Variants in STAU2 observed in about 807,000 individuals in gnomAD.
The protein encoded by STAU2 is double-stranded RNA-binding protein Staufen homolog 2.
In STAU2, 20 loss-of-function variants were observed where a neutral mutation model predicts 65.9. The ratio of observed to expected loss-of-function variants is 0.30; its 90% confidence interval spans 0.21 to 0.44. STAU2 has a LOEUF of 0.44. Among genes scored for constraint, STAU2 ranks in the 20% least tolerant of loss-of-function variants. The probability of loss-of-function intolerance (pLI) is 1.00; values close to 1 mark genes in which losing one functional copy is unlikely to be tolerated. For missense variants in STAU2, 558 were observed against 683.9 expected (o/e 0.82, Z 2.05); for synonymous variants, 232 against 233.9 (o/e 0.99, Z 0.07).
At chr8:73,651,380 C>A in intron 6 of STAU2, 1 of 672,150 alleles carries the variant, frequency 1.5e-6, no homozygotes. Flanking sequence ...GTGGAAGAGG[C>A]TGGCCAGGGA....
At chr8:73,634,094 T>A (rs1814314691) in intron 6 of STAU2, among the ~76,000 whole-genome samples, 1 of 152,208 alleles carries the variant, frequency 6.6e-6, no homozygotes, top group Non-Finnish European at 1.5e-5. Flanking sequence ...TTTGACCTCA[T>A]TCATAATCAA....
chr8:73,708,507 TAA>T (rs1820672687), intron 4 of STAU2, among the ~76,000 whole-genome samples: 1 of 152,158 alleles, frequency 6.6e-6, no homozygotes, highest in Non-Finnish European at 1.5e-5. Flanking sequence ...AAAAACAATA[TAA>T]GTGAATGCAG....
At chr8:73,485,141 CTTTTTTTTTTTTTTTT>C (rs10524978) in intron 13 of STAU2, among the ~76,000 whole-genome samples, 1 of 82,824 alleles carries the variant, frequency 1.2e-5, no homozygotes, top group African/African-American at 5.6e-5. Context: ...CATCCTTACT[CTTTTTTTTTTTTTTTT>C]TTTTTTTTTT....
intron 5 of STAU2, among the ~76,000 whole-genome samples, 164 bp downstream of exon 5, chr8:73,688,489 CG>C (rs1819103047): frequency 6.8e-6 from 1 of 146,862 alleles, no homozygotes; most frequent in Admixed American, 6.8e-5. Context: ...TTTATGCTAC[CG>C]TGTGTGTGTG....
chr8:73,475,876 A>C (rs1363422347), intron 13 of STAU2, among the ~76,000 whole-genome samples: 2 of 152,206 alleles, frequency 1.3e-5, no homozygotes, highest in Non-Finnish European at 2.9e-5. Context: ...TCTGGCTTCC[A>C]CATTATTGTT....
intron 13 of STAU2, among the ~76,000 whole-genome samples, chr8:73,541,883 T>C (rs1806568088): frequency 6.6e-6 from 1 of 152,010 alleles, no homozygotes; most frequent in African/African-American, 2.4e-5. Flanking sequence ...GGTAGATCAA[T>C]AGAAATTACA....
intron 3 of STAU2, among the ~76,000 whole-genome samples, chr8:73,736,896 G>A (rs945048317): frequency 3.9e-5 from 6 of 152,170 alleles, no homozygotes; most frequent in African/African-American, 1.2e-4. Context: ...AACGCATCTC[G>A]CTCTGTAGCC....
chr8:73,623,806 A>G (rs866226389), intron 6 of STAU2, among the ~76,000 whole-genome samples: 1 of 152,206 alleles, frequency 6.6e-6, no homozygotes, highest in South Asian at 2.1e-4. Flanking sequence ...TGTATATAAA[A>G]TATCTAGATA....
intron 6 of STAU2, among the ~76,000 whole-genome samples, chr8:73,642,855 A>G (rs953970100): frequency 1.2e-4 from 18 of 152,184 alleles, no homozygotes; most frequent in Non-Finnish European, 2.4e-4. Context: ...ATGGGAGTAT[A>G]CCTGACTTGT....
intron 6 of STAU2, among the ~76,000 whole-genome samples, chr8:73,671,542 C>T (rs1168407627): frequency 6.6e-6 from 1 of 151,902 alleles, no homozygotes; most frequent in Non-Finnish European, 1.5e-5. Flanking sequence ...ATGCTTTATT[C>T]TTTTTAAAGA....
At chr8:73,594,921 T>C (rs530574836) in intron 11 of STAU2, among the ~76,000 whole-genome samples, 1 of 152,342 alleles carries the variant, frequency 6.6e-6, no homozygotes, top group East Asian at 1.9e-4. Context: ...AAATGTTAAA[T>C]TGGTATTACA....
chr8:73,613,398 G>A (rs890881824), intron 9 of STAU2, among the ~76,000 whole-genome samples: 2 of 152,186 alleles, frequency 1.3e-5, no homozygotes, highest in African/African-American at 2.4e-5. Context: ...CTTTGAACAC[G>A]TTTTGTAAAA....
intron 3 of STAU2, among the ~76,000 whole-genome samples, chr8:73,722,273 G>T (rs1424549428): frequency 6.6e-6 from 1 of 152,014 alleles, no homozygotes; most frequent in Non-Finnish European, 1.5e-5. Context: ...TTTGCTTTAA[G>T]CAGTCACTTA....
At chr8:73,713,652 C>G (rs1018848255) in intron 3 of STAU2, among the ~76,000 whole-genome samples, 1 of 151,984 alleles carries the variant, frequency 6.6e-6, no homozygotes, top group African/African-American at 2.4e-5. Context: ...ACATAACTTT[C>G]TGGCAAATGC....
At chr8:73,428,682 C>T (rs957983891) in intron 13 of STAU2, among the ~76,000 whole-genome samples, 1 of 152,156 alleles carries the variant, frequency 6.6e-6, no homozygotes, top group Non-Finnish European at 1.5e-5. Context: ...TTTTAGGCTA[C>T]TTATAGCCTG....
Position 73,634,249 on chromosome 8 carries a change from T to TTTTA in STAU2, c.411-16802_411-16799dup, listed in dbSNP as rs1180878937. Among the ~76,000 whole-genome samples, 18 of 152,244 alleles carry TTTTA rather than the reference T, an allele frequency of 1.2e-4. No individual in the cohort carries two copies. The East Asian group carries it at 2.5e-3, about 21-fold the overall frequency. ...CTGCTCTCTTAATCAGCAAAACGGT[T>TTTTA]TTTATTTATTTATTTATTTATTTTT... On this transcript the variant is annotated intron_variant, in intron 6 of 14. Coordinates refer to ENST00000524300, the MANE Select transcript of STAU2 (RefSeq NM_001164380.2).
At chr8:73,610,565 G>C (rs868736804) in intron 9 of STAU2, among the ~76,000 whole-genome samples, 1 of 147,228 alleles carries the variant, frequency 6.8e-6, no homozygotes, top group African/African-American at 2.6e-5. Context: ...AAAAGGCAGC[G>C]GGGGAGGGGA....
rs969555444 is a variant in STAU2 at position 73,501,216 on chromosome 8, A to G, written c.1530+50796T>C. ...AAACTGCAGAAACCCTCCCAGTTGAATATTTACTAAATAAAAGTACTGAAC... is the reference window on the plus strand; with the variant it reads ...AAACTGCAGAAACCCTCCCAGTTGAGTATTTACTAAATAAAAGTACTGAAC... On this transcript the variant is annotated intron_variant, in intron 13 of 14. Transcript: ENST00000524300. Among the ~76,000 whole-genome samples the G allele has an allele frequency of 7.9e-5, 12 of 152,010 alleles. No individual in the cohort carries two copies. The South Asian group carries it at 1.7e-3, about 21-fold the overall frequency.
In STAU2 at chr8:73,579,124, T is replaced by C. The variant is rs1358205870; in HGVS notation, c.1222+3646A>G. 2.6e-5 allele frequency among the ~76,000 whole-genome samples: 4 copies of C among 152,166 alleles called. No homozygotes were observed. The East Asian group carries it at 5.8e-4, about 22-fold the overall frequency. On this transcript the variant is annotated intron_variant, in intron 12 of 14. Coordinates refer to ENST00000524300, the MANE Select transcript of STAU2 (RefSeq NM_001164380.2). ...TGGTTTCAGGATGTTCAGTGTTTAA[T>C]AATACATGCATATGAAACAAAAGTG...
Sources: gnomAD v4.1 joint callset for allele counts (sites outside exome capture counted in the v4.1 genomes callset) on GRCh38, gnomAD v4.1.1 for gene constraint, MANE v1.5 for transcripts, NCBI Gene and HGNC (gene_info 2026-07-23, HGNC 2026-07-21) for gene names.